B4GALT1: variants seen among roughly 807,000 people sequenced by gnomAD.
The protein encoded by B4GALT1 is beta-1,4-galactosyltransferase 1, also known as N-acetyllactosamine synthase.
Under a neutral mutation model 34.9 loss-of-function variants are expected in B4GALT1, and 16 were observed. The ratio of observed to expected loss-of-function variants is 0.46; its 90% CI spans 0.31 to 0.70. The LOEUF (loss-of-function observed/expected upper bound fraction) is 0.70, where lower values mean the gene tolerates loss of function less well. Ranked by LOEUF, B4GALT1 falls within the 30% of genes least tolerant of loss-of-function variation. B4GALT1 has a pLI of 0.05. For synonymous variants in B4GALT1, 221 were observed against 218.1 expected (o/e 1.01, Z -0.12); for missense variants, 445 against 530.5 (o/e 0.84, Z 1.58).
Position 33,147,646 on chromosome 9 carries a change from C to T in B4GALT1, c.413-12222G>A, listed in dbSNP as rs539942297. 2.0e-5 allele frequency among the ~76,000 whole-genome samples: 3 copies of T among 152,192 alleles called. No individual in the cohort carries two copies. In the East Asian group the frequency reaches 5.8e-4, roughly 29 times the overall value. ...GCAGAGTTCAACTATACCAGCATAC[C>T]TAACATATGGAAGAACAAAGGGCAT... On this transcript the variant is annotated intron_variant, in intron 1 of 5. Coordinates refer to ENST00000379731, the MANE Select transcript of B4GALT1 (RefSeq NM_001497.4).
intron 1 of B4GALT1, among the ~76,000 whole-genome samples, chr9:33,144,272 C>T (rs1000860978): frequency 2.0e-5 from 3 of 151,720 alleles, no homozygotes; most frequent in Admixed American, 6.6e-5. Context: ...CTCACTCTGT[C>T]GCCCAGGCTG....
At chr9:33,107,784 C>T (rs1011833371), downstream of B4GALT1, among the ~76,000 whole-genome samples, 1 of 152,004 alleles carries the variant, frequency 6.6e-6, no homozygotes, top group African/African-American at 2.4e-5. Context: ...CCTTGGAGCC[C>T]ATGGGGAGGG....
chr9:33,165,420 T>C (rs1436316140), intron 1 of B4GALT1, among the ~76,000 whole-genome samples: 1 of 152,194 alleles, frequency 6.6e-6, no homozygotes, highest in African/African-American at 2.4e-5. Context: ...GCAGAGTCCA[T>C]TTCATTTTAT....
intron 3 of B4GALT1, among the ~76,000 whole-genome samples, chr9:33,116,801 G>C (rs1839946198): frequency 6.9e-6 from 1 of 145,014 alleles, no homozygotes; most frequent in Non-Finnish European, 1.5e-5. Flanking sequence ...GGGATCACAG[G>C]CAAGAGCCAC....
chr9:33,126,224 G>A (rs1840093655), intron 2 of B4GALT1, among the ~76,000 whole-genome samples: 1 of 152,110 alleles, frequency 6.6e-6, no homozygotes, highest in African/African-American at 2.4e-5. Context: ...AGGCCGAGTG[G>A]GTTGCATGAA....
intron 5 of B4GALT1, 46 bp from the exon 6 acceptor site, chr9:33,113,632 T>TG: frequency 6.2e-7 from 1 of 1,613,512 alleles, no homozygotes; most frequent in Middle Eastern, 1.6e-4. Context: ...ACAAAAATCT[T>TG]AAGAAGAAAT....
At chr9:33,135,068 C>G in intron 2 of B4GALT1, 121 bp downstream of exon 2, 9 of 1,056,830 alleles carry the variant, frequency 8.5e-6, no homozygotes, top group Non-Finnish European at 1.3e-5. Flanking sequence ...GGGCTGGTTC[C>G]TCGCTGTAAG....
chr9:33,156,325 G>C (rs1215388076), intron 1 of B4GALT1, among the ~76,000 whole-genome samples: 2 of 152,160 alleles, frequency 1.3e-5, no homozygotes, highest in East Asian at 1.9e-4. Context: ...GTAGAGACAA[G>C]GTTTCACCAT....
At chr9:33,132,744 A>G (rs1009288271) in intron 2 of B4GALT1, among the ~76,000 whole-genome samples, 5 of 152,186 alleles carry the variant, frequency 3.3e-5, no homozygotes, top group Admixed American at 6.5e-5. Context: ...ATTTGACTTC[A>G]AAACAGGGAA....
intron 1 of B4GALT1, among the ~76,000 whole-genome samples, chr9:33,152,995 T>C (rs982559401): frequency 4.6e-5 from 7 of 152,058 alleles, no homozygotes; most frequent in Non-Finnish European, 1.0e-4. Context: ...GCCCAGGAGT[T>C]CGAGTCCAGC....
In B4GALT1 at chr9:33,112,242, A is replaced by C. The variant is rs1363155358; in HGVS notation, c.*1212T>G. The C allele has an allele frequency of 6.6e-6, 1 of 152,266 alleles. No homozygotes were observed. Among genetic ancestry groups the C allele is most frequent in the Non-Finnish European group, 1.5e-5 (1 of 68,086 alleles). The allele number at this position is 152,266 out of a possible 1,614,324, so 9.4% of individuals were successfully genotyped here. A position where few individuals can be genotyped will look rare whatever the true frequency, so the allele number is the denominator to read the frequency against. The stretch of plus-strand genomic sequence containing the variant: ...GGGGAGGTGCAAAGGGCTGGTAAAC[A>C]ACCTGACTGCTGTTATTTACAACCC... On this transcript the variant is annotated 3_prime_UTR_variant, in exon 6 of 6. Coordinates refer to ENST00000379731, the MANE Select transcript of B4GALT1 (RefSeq NM_001497.4).
intron 2 of B4GALT1, among the ~76,000 whole-genome samples, chr9:33,121,515 AC>A (rs1221413691): frequency 1.4e-5 from 2 of 141,422 alleles, no homozygotes; most frequent in Non-Finnish European, 3.0e-5. Context: ...GGCATGTGCC[AC>A]CATGCCCGGC....
intron 1 of B4GALT1, among the ~76,000 whole-genome samples, chr9:33,136,662 C>T (rs963296614): frequency 6.6e-6 from 1 of 152,200 alleles, no homozygotes; most frequent in Non-Finnish European, 1.5e-5. Flanking sequence ...GCTTATTTGG[C>T]TACAGAACCA....
the B4GALT1 span, among the ~76,000 whole-genome samples, chr9:33,176,914 A>G: frequency 6.6e-6 from 1 of 152,210 alleles, no homozygotes. Flanking sequence ...AATAACTAAT[A>G]TAACATTTGA....
intron 1 of B4GALT1, among the ~76,000 whole-genome samples, chr9:33,149,580 C>T (rs548442912): frequency 1.3e-5 from 2 of 152,216 alleles, no homozygotes; most frequent in African/African-American, 2.4e-5. Context: ...CTACTACGCC[C>T]GGCCAGATAG....
chr9:33,156,789 T>C (rs765487542), intron 1 of B4GALT1, among the ~76,000 whole-genome samples: 3 of 152,164 alleles, frequency 2.0e-5, no homozygotes, highest in Admixed American at 6.5e-5. Context: ...CAAAAACTGA[T>C]CCACAAACTT....
In B4GALT1 at chr9:33,111,766, G is replaced by A. The variant is rs17326539; in HGVS notation, c.*1688C>T. The A allele has an allele frequency of 0.039, 5,866 of 152,226 alleles. 151 individuals are homozygous for A. The highest frequency in any genetic ancestry group is 0.061 in the Non-Finnish European group (4,175 of 68,058). The allele number at this position is 152,226 out of a possible 1,614,324, so 9.4% of individuals were successfully genotyped here. A position where few individuals can be genotyped will look rare whatever the true frequency, so the allele number is the denominator to read the frequency against. On this transcript the variant is annotated 3_prime_UTR_variant, in exon 6 of 6. Transcript: ENST00000379731. ...AGCCCAGGCTGGACCTGGCAAAGGCGCTCAGTGGTAGGAGTGCCTTGTGTC... is the reference window on the plus strand; with the variant it reads ...AGCCCAGGCTGGACCTGGCAAAGGCACTCAGTGGTAGGAGTGCCTTGTGTC...
chr9:33,105,056 G>A (rs1839785564), intron 2 of B4GALT1, among the ~76,000 whole-genome samples: 1 of 152,008 alleles, frequency 6.6e-6, no homozygotes, highest in African/African-American at 2.4e-5. Context: ...CTGACCTCAA[G>A]TGATCCGCCC....
upstream of B4GALT1, among the ~76,000 whole-genome samples, chr9:33,170,450 G>A (rs1047752162): frequency 3.3e-5 from 5 of 152,172 alleles, no homozygotes; most frequent in African/African-American, 1.2e-4. Context: ...GCCAATGAGT[G>A]AGGGTGGGTC....
Sources: allele counts gnomAD v4.1 joint callset (sites outside exome capture counted in the v4.1 genomes callset), GRCh38; gene constraint gnomAD v4.1.1; transcripts MANE v1.5; gene names NCBI Gene and HGNC (gene_info 2026-07-23, HGNC 2026-07-21).